EPB41: variants seen among roughly 807,000 people sequenced by gnomAD.
The protein encoded by EPB41 is protein 4.1.
In EPB41, 65 loss-of-function variants were observed where a neutral mutation model predicts 108.0. That is an observed-to-expected ratio of 0.60 (90% CI 0.49 to 0.74). EPB41 has a LOEUF of 0.74. Ranked by LOEUF, EPB41 falls within the 30% of genes least tolerant of loss-of-function variation. The pLI is 0.00. For synonymous variants in EPB41, 336 were observed against 358.9 expected, an observed-to-expected ratio of 0.94 and a Z score of 0.72; for missense variants, 875 against 1,037.0, an observed-to-expected ratio of 0.84 and a Z score of 2.15.
intron 7 of EPB41, among the ~76,000 whole-genome samples, chr1:29,026,817 T>A (rs1056771834): frequency 7.9e-5 from 12 of 151,294 alleles, no homozygotes; most frequent in East Asian, 3.9e-4. Context: ...TTAAAAAAAA[T>A]TTTTTTTGGC....
intron 1 of EPB41, among the ~76,000 whole-genome samples, chr1:28,982,892 C>A (rs2095791564): frequency 6.6e-6 from 1 of 152,042 alleles, no homozygotes; most frequent in Non-Finnish European, 1.5e-5. Context: ...AATAAATCCC[C>A]CTTAAAAATG....
At chr1:28,975,940 C>CAAAAAAAAAAAAAAAAAAA in intron 1 of EPB41, among the ~76,000 whole-genome samples, 1 of 67,676 alleles carries the variant, frequency 1.5e-5, no homozygotes, top group Non-Finnish European at 3.2e-5. Flanking sequence ...GACTCCATCT[C>CAAAAAAAAAAAAAAAAAAA]AAAAAAAAAA....
At chr1:29,021,533 A>G (rs1200868775) in intron 7 of EPB41, among the ~76,000 whole-genome samples, 3 of 152,152 alleles carry the variant, frequency 2.0e-5, no homozygotes, top group Non-Finnish European at 2.9e-5. Flanking sequence ...AGTTGTCTCA[A>G]GGAAAAGCAC....
intron 16 of EPB41, 162 bp downstream of exon 16, chr1:29,065,320 T>A (rs191063692): frequency 1.3e-5 from 17 of 1,329,820 alleles, no homozygotes; most frequent in Non-Finnish European, 1.7e-5. Context: ...ATATTTATTT[T>A]TTTTTAAGTC....
At chr1:28,982,305 C>A in intron 1 of EPB41, 1 of 590,802 alleles carries the variant, frequency 1.7e-6, no homozygotes, top group Non-Finnish European at 3.2e-6. Flanking sequence ...GGAAGAACTA[C>A]TTGTTCTTGC....
At chr1:28,997,181 C>G (rs2096199997) in intron 3 of EPB41, 34 bp from the exon 4 acceptor site, 1 of 1,474,858 alleles carries the variant, frequency 6.8e-7, no homozygotes, top group Admixed American at 1.7e-5. Flanking sequence ...GAAGAAGAAA[C>G]CTCAACTCAA....
At chr1:28,959,757 A>C (rs563182308) in intron 1 of EPB41, among the ~76,000 whole-genome samples, 8 of 152,252 alleles carry the variant, frequency 5.3e-5, no homozygotes, top group Non-Finnish European at 1.0e-4. Flanking sequence ...AAAAAGGGGA[A>C]TAGAAGAATT....
intron 12 of EPB41, among the ~76,000 whole-genome samples, chr1:29,057,299 C>T (rs1033121577): frequency 7.2e-6 from 1 of 138,764 alleles, no homozygotes. Flanking sequence ...TGGCGTGAAC[C>T]CGGGAGGTGG....
intron 7 of EPB41, among the ~76,000 whole-genome samples, chr1:29,025,850 G>C (rs1176859535): frequency 6.6e-6 from 1 of 151,348 alleles, no homozygotes; most frequent in African/African-American, 2.5e-5. Context: ...CCGTGGGTTG[G>C]AGGGCAGCCT....
In EPB41 at chr1:29,115,449, C is replaced by G. The variant is rs78532178; in HGVS notation, c.2497-250C>G. ...GATCATATAACAGATACAGCTATGA[C>G]CCCCGAAGTCCCTCTCCAGTTCCTA... On this transcript the variant is annotated intron_variant, in intron 19 of 20. Transcript: ENST00000343067. This position sits in a 1 kb window ranked among gnomAD's most constrained non-coding sequence, Gnocchi z 4.4. 6.6e-6 allele frequency among the ~76,000 whole-genome samples: 1 copy of G among 151,966 alleles called. No homozygotes were observed. The highest frequency in any genetic ancestry group is 6.6e-5 in the Admixed American group (1 of 15,232).
intron 1 of EPB41, among the ~76,000 whole-genome samples, chr1:28,888,535 C>T (rs2089718896): frequency 6.6e-6 from 1 of 152,260 alleles, no homozygotes; most frequent in African/African-American, 2.4e-5. Flanking sequence ...GGGAACACTC[C>T]CTGCCTTGAA....
intron 16 of EPB41, among the ~76,000 whole-genome samples, chr1:29,076,055 C>T (rs971960062): frequency 6.6e-5 from 10 of 152,224 alleles, no homozygotes; most frequent in South Asian, 4.1e-4. Flanking sequence ...CTTTCACTCA[C>T]TGATCCTGAA....
At chr1:28,959,379 G>A (rs1247108094) in intron 1 of EPB41, among the ~76,000 whole-genome samples, 1 of 151,862 alleles carries the variant, frequency 6.6e-6, no homozygotes, top group Non-Finnish European at 1.5e-5. Context: ...ACTACGCCTG[G>A]CTAATTTTTC....
intron 11 of EPB41, among the ~76,000 whole-genome samples, chr1:29,052,299 A>G (rs1341359269): frequency 2.0e-5 from 3 of 152,180 alleles, no homozygotes; most frequent in Non-Finnish European, 4.4e-5. Context: ...CTCTGTTACA[A>G]CAACCAAAAA....
chr1:29,071,110 A>G (rs912551391), intron 16 of EPB41: 7 of 152,314 alleles, frequency 4.6e-5, no homozygotes, highest in South Asian at 2.1e-4. Context: ...GTTTTAATCT[A>G]CAAATCCATA....
chr1:28,944,054 G>C (rs1287118941), intron 1 of EPB41, among the ~76,000 whole-genome samples: 1 of 152,184 alleles, frequency 6.6e-6, no homozygotes, highest in Non-Finnish European at 1.5e-5. Context: ...CCTGTTATTT[G>C]CAACAATATG....
chr1:28,929,539 T>G (rs1402583142), intron 1 of EPB41, among the ~76,000 whole-genome samples: 1 of 144,926 alleles, frequency 6.9e-6, no homozygotes, highest in Admixed American at 6.9e-5. Context: ...CAATTTTTAC[T>G]ATTTTTTTTG....
chr1:29,030,554 T>C, intron 8 of EPB41, 67 bp downstream of exon 8: 1 of 1,140,262 alleles, frequency 8.8e-7, no homozygotes, highest in South Asian at 1.2e-5. Context: ...GTCTGTTATG[T>C]ATGTATCACA....
chr1:29,030,531 T>A (rs771474730), intron 8 of EPB41, 44 bp downstream of exon 8: 2 of 1,347,812 alleles, frequency 1.5e-6, no homozygotes, highest in Non-Finnish European at 2.1e-6. Context: ...GTGGAAGATA[T>A]TATATGATAC....
Sources: gnomAD v4.1 joint callset for allele counts (sites outside exome capture counted in the v4.1 genomes callset) on GRCh38, gnomAD v4.1.1 for gene constraint, Gnocchi (gnomAD v3.1) non-coding constraint, MANE v1.5 for transcripts, NCBI Gene and HGNC (gene_info 2026-07-23, HGNC 2026-07-21) for gene names.